The following GRID1 variants were observed in gnomAD, a reference collection of about 807,000 sequenced individuals.
GRID1 encodes glutamate ionotropic receptor delta type subunit 1, also known as glutamate receptor ionotropic, delta-1.
GRID1 carries 28 observed loss-of-function variants against 98.0 expected under a neutral mutation model. The ratio of observed to expected loss-of-function variants is 0.29; its 90% CI spans 0.21 to 0.39. The LOEUF is 0.39. Ranked by LOEUF, GRID1 falls within the 10% of genes least tolerant of loss-of-function variation. GRID1 has a pLI of 1.00. For missense variants in GRID1, 1,111 were observed against 1,340.5 expected (o/e 0.83, Z 2.67); for synonymous variants, 553 against 538.5 (o/e 1.03, Z -0.37).
chr10:85,929,329 C>T (rs1841818678), intron 4 of GRID1, among the ~76,000 whole-genome samples: 1 of 152,110 alleles, frequency 6.6e-6, no homozygotes, highest in African/African-American at 2.4e-5. Context: ...TGTTGGGGTC[C>T]ACCGAAGGTG....
chr10:85,768,957 ACT>A (rs1842226257), intron 8 of GRID1, among the ~76,000 whole-genome samples: 1 of 152,214 alleles, frequency 6.6e-6, no homozygotes, highest in Non-Finnish European at 1.5e-5. Context: ...TTTATTCAAT[ACT>A]CTTTTCAGAA....
intron 12 of GRID1, among the ~76,000 whole-genome samples, chr10:85,651,790 T>G (rs1306607732): frequency 6.6e-6 from 1 of 152,232 alleles, no homozygotes; most frequent in Non-Finnish European, 1.5e-5. Context: ...GGTGCAAGCA[T>G]GTGTATCACT....
chr10:86,336,528 G>A (rs1231279114), intron 2 of GRID1, among the ~76,000 whole-genome samples: 1 of 152,166 alleles, frequency 6.6e-6, no homozygotes, highest in Non-Finnish European at 1.5e-5. Flanking sequence ...CTCCTCCACG[G>A]TGACAATTAA....
intron 2 of GRID1, among the ~76,000 whole-genome samples, chr10:86,352,612 C>A (rs1848478441): frequency 6.6e-6 from 1 of 152,168 alleles, no homozygotes; most frequent in African/African-American, 2.4e-5. Context: ...AGGGCCCCAC[C>A]CTTATGACCC....
At chr10:85,896,888 C>T (rs940198279) in intron 5 of GRID1, among the ~76,000 whole-genome samples, 2 of 152,132 alleles carry the variant, frequency 1.3e-5, no homozygotes, top group Middle Eastern at 3.2e-3. Flanking sequence ...GCATAATTTA[C>T]AATAGCATTA....
chr10:85,933,287 A>T (rs1185168756), intron 4 of GRID1, among the ~76,000 whole-genome samples: 3 of 6,576 alleles, frequency 4.6e-4, no homozygotes, highest in Non-Finnish European at 1.1e-3. Context: ...CTGTTCTTTA[A>T]AAAAAAAAAA....
At chr10:86,026,675 G>A (rs1843120959) in intron 4 of GRID1, among the ~76,000 whole-genome samples, 1 of 152,188 alleles carries the variant, frequency 6.6e-6, no homozygotes, top group African/African-American at 2.4e-5. Context: ...ACTCAGCATA[G>A]GGGACCCAGA....
intron 4 of GRID1, among the ~76,000 whole-genome samples, chr10:85,979,860 A>C (rs1482387275): frequency 6.6e-6 from 1 of 152,220 alleles, no homozygotes; most frequent in African/African-American, 2.4e-5. Flanking sequence ...GGCCTACTCC[A>C]AGTTACCTTC....
intron 4 of GRID1, among the ~76,000 whole-genome samples, chr10:86,080,261 G>A (rs1459982699): frequency 6.6e-6 from 1 of 151,726 alleles, no homozygotes; most frequent in Non-Finnish European, 1.5e-5. Flanking sequence ...TTGAACCCGG[G>A]AGGCAGAGGT....
Position 85,878,004 on chromosome 10 carries a change from G to T in GRID1, c.781-8824C>A, listed in dbSNP as rs566587962. On this transcript the variant is annotated intron_variant, in intron 5 of 15. Coordinates refer to ENST00000327946, the MANE Select transcript of GRID1 (RefSeq NM_017551.3). ...GCCTCAGGAGCCGATGCAATCGACT[G>T]GAAGAAAGGGTATCAGTGATGGAAG... 1.8e-3 allele frequency among the ~76,000 whole-genome samples: 277 copies of T among 152,322 alleles called. No homozygotes were observed. In the Middle Eastern group the frequency reaches 0.024, roughly 13 times the overall value.
chr10:85,743,030 C>T (rs1241883690), intron 8 of GRID1, among the ~76,000 whole-genome samples: 1 of 151,014 alleles, frequency 6.6e-6, no homozygotes, highest in African/African-American at 2.4e-5. Flanking sequence ...CCCCGACTCC[C>T]CGGCCCCCCA....
At chr10:86,138,431 T>G (rs1844960731) in intron 4 of GRID1, among the ~76,000 whole-genome samples, 1 of 151,956 alleles carries the variant, frequency 6.6e-6, no homozygotes, top group Admixed American at 6.6e-5. Flanking sequence ...AAGGCAGACC[T>G]ACCCACCTCT....
intron 4 of GRID1, among the ~76,000 whole-genome samples, chr10:86,123,778 C>T (rs1306590642): frequency 6.6e-6 from 1 of 152,234 alleles, no homozygotes; most frequent in Non-Finnish European, 1.5e-5. Flanking sequence ...GCAAGGCAGG[C>T]CCATGTGCAC....
intron 3 of GRID1, among the ~76,000 whole-genome samples, chr10:86,147,398 A>C (rs1205606256): frequency 6.6e-6 from 1 of 152,252 alleles, no homozygotes; most frequent in African/African-American, 2.4e-5. Context: ...ATCCTAAGCA[A>C]AAAGAACAAC....
intron 2 of GRID1, among the ~76,000 whole-genome samples, chr10:86,262,855 G>T (rs72845104): frequency 1.3e-5 from 2 of 152,158 alleles, no homozygotes; most frequent in Non-Finnish European, 2.9e-5. Context: ...CTTGGCGACA[G>T]AGAGCCCAGG....
At chr10:86,130,986 T>C (rs1275199662) in intron 4 of GRID1, among the ~76,000 whole-genome samples, 2 of 151,974 alleles carry the variant, frequency 1.3e-5, no homozygotes, top group Non-Finnish European at 2.9e-5. Flanking sequence ...GCCACGTCCC[T>C]ATCACACGTC....
At chr10:86,247,330 T>C (rs1846747895) in intron 2 of GRID1, among the ~76,000 whole-genome samples, 1 of 149,738 alleles carries the variant, frequency 6.7e-6, no homozygotes, top group Non-Finnish European at 1.5e-5. Context: ...GGTAGATGAA[T>C]AGATGGGTGG....
intron 8 of GRID1, among the ~76,000 whole-genome samples, chr10:85,764,483 C>G (rs1413415842): frequency 6.6e-6 from 1 of 152,190 alleles, no homozygotes; most frequent in African/African-American, 2.4e-5. Flanking sequence ...CTTTAAGAAC[C>G]AGTCATCTTG....
intron 2 of GRID1, among the ~76,000 whole-genome samples, chr10:86,301,178 CGA>C (rs1351836088): frequency 6.6e-6 from 1 of 152,200 alleles, no homozygotes; most frequent in Non-Finnish European, 1.5e-5. Context: ...CGGCTCACCA[CGA>C]GGACCAAGCC....
Sources: allele counts gnomAD v4.1 joint callset (sites outside exome capture counted in the v4.1 genomes callset), GRCh38; gene constraint gnomAD v4.1.1; transcripts MANE v1.5; gene names NCBI Gene and HGNC (gene_info 2026-07-23, HGNC 2026-07-21).